Variants in NALF1 observed in about 807,000 individuals in gnomAD.
The protein encoded by NALF1 is NALCN channel auxiliary factor 1, also known as family with sequence similarity 155 member A.
Under a neutral mutation model 48.4 loss-of-function variants are expected in NALF1, and 3 were observed. That is an observed-to-expected ratio of 0.06 (90% confidence interval 0.03 to 0.16). The LOEUF is 0.16. Among genes scored for constraint, NALF1 ranks in the 10% least tolerant of loss-of-function variants. The probability of loss-of-function intolerance (pLI) is 1.00; values close to 1 mark genes in which losing one functional copy is unlikely to be tolerated. For synonymous variants in NALF1, 262 were observed against 245.7 expected (o/e 1.07, Z -0.62); for missense variants, 526 against 571.5 (o/e 0.92, Z 0.81).
chr13:107,487,173 C>T (rs74866297), intron 1 of NALF1, among the ~76,000 whole-genome samples: 2,798 of 152,208 alleles, frequency 0.018, 102 homozygotes, highest in African/African-American at 0.064. Context: ...TTTGCCACAA[C>T]ACATACAATG....
At chr13:107,771,685 T>C (rs1188505661) in intron 1 of NALF1, among the ~76,000 whole-genome samples, 1 of 152,186 alleles carries the variant, frequency 6.6e-6, no homozygotes, top group African/African-American at 2.4e-5. Flanking sequence ...TAATGTTTAC[T>C]AAATAGACTC....
At chr13:107,810,917 A>G (rs1445732335) in intron 1 of NALF1, among the ~76,000 whole-genome samples, 1 of 152,152 alleles carries the variant, frequency 6.6e-6, no homozygotes, top group Non-Finnish European at 1.5e-5. Flanking sequence ...CTAGAACCAG[A>G]TTAACTTCTG....
At chr13:107,474,947 C>T (rs914444729) in intron 1 of NALF1, among the ~76,000 whole-genome samples, 1 of 152,116 alleles carries the variant, frequency 6.6e-6, no homozygotes, top group Non-Finnish European at 1.5e-5. Context: ...CTTTCTGGTT[C>T]TTTTAATGAG....
At chr13:107,520,073 AAATATT>A (rs1876187435) in intron 1 of NALF1, among the ~76,000 whole-genome samples, 1 of 152,172 alleles carries the variant, frequency 6.6e-6, no homozygotes, top group African/African-American at 2.4e-5. Flanking sequence ...TCAACATTAT[AAATATT>A]AATTGTAATT....
intron 1 of NALF1, among the ~76,000 whole-genome samples, chr13:107,804,064 T>C (rs983472510): frequency 6.6e-6 from 1 of 152,206 alleles, no homozygotes; most frequent in African/African-American, 2.4e-5. Context: ...AATTGTGTCC[T>C]CTTTTCTACT....
At chr13:107,420,066 C>T (rs1251762750) in intron 1 of NALF1, among the ~76,000 whole-genome samples, 12 of 152,108 alleles carry the variant, frequency 7.9e-5, no homozygotes, top group Admixed American at 5.9e-4. Flanking sequence ...CTATTTCTAT[C>T]CTCAATTTTT....
intron 1 of NALF1, among the ~76,000 whole-genome samples, chr13:107,344,953 T>A (rs540638343): frequency 6.6e-6 from 1 of 152,110 alleles, no homozygotes; most frequent in Non-Finnish European, 1.5e-5. Context: ...CCAAAAAAAT[T>A]GTTAGAACTA....
At chr13:107,510,796 C>T (rs1045844361) in intron 1 of NALF1, among the ~76,000 whole-genome samples, 1 of 152,160 alleles carries the variant, frequency 6.6e-6, no homozygotes, top group Non-Finnish European at 1.5e-5. Context: ...AAAACACAAA[C>T]TTTGTTCATA....
At chr13:107,681,792 A>G (rs1881310904) in intron 1 of NALF1, among the ~76,000 whole-genome samples, 1 of 152,148 alleles carries the variant, frequency 6.6e-6, no homozygotes, top group Admixed American at 6.5e-5. Flanking sequence ...ACCAGCCCTG[A>G]CACTGTGCTT....
intron 1 of NALF1, among the ~76,000 whole-genome samples, chr13:107,237,089 GT>G (rs61150648): frequency 0.034 from 4,893 of 145,184 alleles, 237 homozygotes; most frequent in African/African-American, 0.12. Context: ...ACTGTATGTG[GT>G]TTTTTTTTTT....
At chr13:107,756,743 T>TG (rs1160657506) in intron 1 of NALF1, among the ~76,000 whole-genome samples, 1 of 151,694 alleles carries the variant, frequency 6.6e-6, no homozygotes, top group Non-Finnish European at 1.5e-5. Context: ...AAAAAGAGGG[T>TG]GTGTGCTCAA....
intron 1 of NALF1, among the ~76,000 whole-genome samples, chr13:107,310,124 T>G (rs1882016065): frequency 1.3e-5 from 2 of 152,066 alleles, no homozygotes; most frequent in Admixed American, 1.3e-4. Context: ...AGATATAACT[T>G]CTGGGCTGGG....
intron 1 of NALF1, among the ~76,000 whole-genome samples, chr13:107,382,914 G>C (rs1408753308): frequency 1.3e-5 from 2 of 152,196 alleles, no homozygotes; most frequent in African/African-American, 4.8e-5. Flanking sequence ...ACAGACAACA[G>C]AAAGCTACAG....
chr13:107,335,065 G>A (rs1240970959), intron 1 of NALF1, among the ~76,000 whole-genome samples: 1 of 152,078 alleles, frequency 6.6e-6, no homozygotes, highest in African/African-American at 2.4e-5. Context: ...TCAATACCAC[G>A]GTCAGGATGA....
chr13:107,196,534 C>G (rs541486861), intron 2 of NALF1, among the ~76,000 whole-genome samples: 2 of 152,294 alleles, frequency 1.3e-5, no homozygotes, highest in South Asian at 2.1e-4. Flanking sequence ...GATCCTGCCA[C>G]TTGCCACAAT....
intron 1 of NALF1, among the ~76,000 whole-genome samples, chr13:107,508,952 T>C (rs1472268675): frequency 1.3e-5 from 2 of 152,242 alleles, no homozygotes; most frequent in Non-Finnish European, 2.9e-5. Flanking sequence ...ACTGTGATTA[T>C]TCATTGTGAA....
intron 1 of NALF1, among the ~76,000 whole-genome samples, chr13:107,548,282 C>T (rs1157439675): frequency 6.6e-6 from 1 of 152,078 alleles, no homozygotes; most frequent in Non-Finnish European, 1.5e-5. Flanking sequence ...TCTATCCATG[C>T]TCCCACAAAA....
intron 1 of NALF1, among the ~76,000 whole-genome samples, chr13:107,832,815 C>T (rs1301093650): frequency 6.6e-6 from 1 of 152,178 alleles, no homozygotes; most frequent in Non-Finnish European, 1.5e-5. Flanking sequence ...GCTGCTGTCT[C>T]CTGACCCCCA....
chr13:107,783,874 A>T (rs9520583), intron 1 of NALF1, among the ~76,000 whole-genome samples: 40 of 43,674 alleles, frequency 9.2e-4, no homozygotes, highest in African/African-American at 2.5e-3. Context: ...AATAAAAATT[A>T]AAAAAAAAAA....
Sources: gnomAD v4.1 joint callset for allele counts (sites outside exome capture counted in the v4.1 genomes callset) on GRCh38, gnomAD v4.1.1 for gene constraint, MANE v1.5 for transcripts, NCBI Gene and HGNC (gene_info 2026-07-23, HGNC 2026-07-21) for gene names.